The following LIMS1 variants were observed in gnomAD, a reference collection of about 807,000 sequenced individuals.
LIMS1 encodes the protein LIM zinc finger domain containing 1.
In LIMS1, 18 loss-of-function variants were observed where a neutral mutation model predicts 44.1. The ratio of observed to expected loss-of-function variants is 0.41; its 90% CI spans 0.28 to 0.61. The LOEUF is 0.61. Ranked by LOEUF, LIMS1 falls within the 20% of genes least tolerant of loss-of-function variation. The probability of loss-of-function intolerance (pLI) is 0.32; values close to 1 mark genes in which losing one functional copy is unlikely to be tolerated. For missense variants in LIMS1, 201 were observed against 422.0 expected, an observed-to-expected ratio of 0.48 and a Z score of 4.59; for synonymous variants, 93 against 149.1, an observed-to-expected ratio of 0.62 and a Z score of 2.74.
At chr2:108,673,743 C>T (rs1484367023) in intron 5 of LIMS1, 1 of 152,118 alleles carries the variant, frequency 6.6e-6, no homozygotes, top group East Asian at 1.9e-4. Context: ...CTTATAATAT[C>T]AACTATCAGT....
Position 108,610,360 on chromosome 2 carries a change from A to T in LIMS1, c.33-49245A>T, listed in dbSNP as rs537500721. Among the ~76,000 whole-genome samples, 205 of 152,228 alleles carry T rather than the reference A, an allele frequency of 1.3e-3. 2 individuals are homozygous for T. The highest frequency in any genetic ancestry group is 2.3e-3 in the Non-Finnish European group (155 of 68,012). On this transcript the variant is annotated intron_variant, in intron 1 of 9. Coordinates refer to ENST00000544547, the Ensembl canonical transcript of LIMS1. ...CACTGCACCTAGCCTGAAAATTTTC[A>T]TTCTAATATAAAAATAGAAGAAACA... is the stretch of plus-strand genomic sequence containing the variant.
intron 1 of LIMS1, among the ~76,000 whole-genome samples, chr2:108,535,167 A>G (rs937010875): frequency 6.6e-6 from 1 of 152,240 alleles, no homozygotes; most frequent in Non-Finnish European, 1.5e-5. Flanking sequence ...CTTAGTAGAG[A>G]CAACTACGTT....
intron 1 of LIMS1, among the ~76,000 whole-genome samples, chr2:108,559,028 C>A (rs762807662): frequency 3.3e-5 from 5 of 152,180 alleles, no homozygotes; most frequent in Non-Finnish European, 5.9e-5. Context: ...GCGCCGGGGG[C>A]AGCTTCTGAT....
At position 108,663,818 on chromosome 2, in the gene LIMS1, G is replaced by C. The variant is rs58307938; in HGVS notation, c.192+4054G>C. ...TGCCCAGGATGGAGTGCAAATGTGC[G>C]ATCTTGGCTCACCGCAACCTCCACC... On this transcript the variant is annotated intron_variant, in intron 2 of 9. Coordinates refer to ENST00000544547, the Ensembl canonical transcript of LIMS1. 5.0e-3 allele frequency among the ~76,000 whole-genome samples: 764 copies of C among 151,798 alleles called. 5 individuals are homozygous for C. The highest frequency in any genetic ancestry group is 0.017 in the African/African-American group (725 of 41,450).
intron 1 of LIMS1, among the ~76,000 whole-genome samples, chr2:108,562,115 C>T (rs1184200038): frequency 6.6e-6 from 1 of 152,164 alleles, no homozygotes; most frequent in East Asian, 1.9e-4. Context: ...AATAAGATAT[C>T]ACACTCAATT....
chr2:108,660,408 A>T (rs578064149), intron 2 of LIMS1: 1 of 440,652 alleles, frequency 2.3e-6, no homozygotes, highest in East Asian at 7.0e-5. Context: ...TTTCAACATT[A>T]CCGAAACCCC....
chr2:108,635,168 C>T (rs935364258), intron 1 of LIMS1, among the ~76,000 whole-genome samples: 1 of 152,154 alleles, frequency 6.6e-6, no homozygotes, highest in Admixed American at 6.5e-5. Flanking sequence ...CGGTGACTCA[C>T]GCCTGTAACC....
intron 1 of LIMS1, among the ~76,000 whole-genome samples, chr2:108,601,884 T>C (rs1403799767): frequency 6.6e-6 from 1 of 152,266 alleles, no homozygotes; most frequent in South Asian, 2.1e-4. Flanking sequence ...ATTGAATCTA[T>C]AAATTGCTTT....
At chr2:108,603,799 G>A (rs1258425359) in intron 1 of LIMS1, among the ~76,000 whole-genome samples, 1 of 151,624 alleles carries the variant, frequency 6.6e-6, no homozygotes, top group Non-Finnish European at 1.5e-5. Context: ...TCTGACTAAA[G>A]GTTTATCAAT....
chr2:108,605,323 C>T (rs963158911), intron 1 of LIMS1, among the ~76,000 whole-genome samples: 10 of 152,156 alleles, frequency 6.6e-5, no homozygotes, highest in Admixed American at 6.5e-5. Context: ...GTTATAAGCT[C>T]GGTTCTTTGT....
intron 1 of LIMS1, among the ~76,000 whole-genome samples, chr2:108,612,415 C>T (rs1441360767): frequency 2.0e-5 from 3 of 151,904 alleles, no homozygotes; most frequent in Non-Finnish European, 4.4e-5. Flanking sequence ...TGCTGTTCAA[C>T]AGTACCCTTG....
At chr2:108,624,053 AC>A (rs1182178420) in intron 1 of LIMS1, among the ~76,000 whole-genome samples, 1 of 152,198 alleles carries the variant, frequency 6.6e-6, no homozygotes, top group Non-Finnish European at 1.5e-5. Context: ...CTTGAAACTG[AC>A]TTTATTCACA....
At chr2:108,641,931 G>T (rs1689695398) in intron 1 of LIMS1, among the ~76,000 whole-genome samples, 2 of 152,178 alleles carry the variant, frequency 1.3e-5, no homozygotes, top group Non-Finnish European at 2.9e-5. Flanking sequence ...TGTCATGATT[G>T]TTTTGTTTTT....
At chr2:108,541,889 G>A (rs1296128541) in intron 1 of LIMS1, among the ~76,000 whole-genome samples, 3 of 152,150 alleles carry the variant, frequency 2.0e-5, no homozygotes, top group Non-Finnish European at 2.9e-5. Flanking sequence ...TTTTCCCAAA[G>A]CATTTTGAAT....
chr2:108,553,995 A>G (rs1573317885), intron 1 of LIMS1, among the ~76,000 whole-genome samples: 1 of 152,338 alleles, frequency 6.6e-6, no homozygotes, highest in East Asian at 1.9e-4. Context: ...TAAGCAAACC[A>G]AGACTCAGGA....
At chr2:108,636,601 C>T (rs1454330179) in intron 1 of LIMS1, among the ~76,000 whole-genome samples, 2 of 152,212 alleles carry the variant, frequency 1.3e-5, no homozygotes, top group African/African-American at 4.8e-5. Flanking sequence ...TCACCAGCAC[C>T]TAGCAATATC....
chr2:108,545,128 C>T (rs1342428050), intron 1 of LIMS1, among the ~76,000 whole-genome samples: 1 of 152,154 alleles, frequency 6.6e-6, no homozygotes, highest in African/African-American at 2.4e-5. Context: ...GTATACCTTT[C>T]ATCTTTTTCT....
At chr2:108,540,040 A>G (rs943890517) in intron 1 of LIMS1, among the ~76,000 whole-genome samples, 1 of 152,006 alleles carries the variant, frequency 6.6e-6, no homozygotes, top group Middle Eastern at 3.2e-3. Context: ...GAAAGACTTG[A>G]GAGAATGCAG....
chr2:108,637,369 G>A (rs947662785), intron 1 of LIMS1, among the ~76,000 whole-genome samples: 1 of 152,052 alleles, frequency 6.6e-6, no homozygotes, highest in African/African-American at 2.4e-5. Context: ...TTATCATTGA[G>A]GGAAGTAAAC....
Sources: gnomAD v4.1 joint callset for allele counts (sites outside exome capture counted in the v4.1 genomes callset) on GRCh38, gnomAD v4.1.1 for gene constraint, MANE v1.5 for transcripts, NCBI Gene and HGNC (gene_info 2026-07-23, HGNC 2026-07-21) for gene names.